TBC1D8B: variants seen among roughly 807,000 people sequenced by gnomAD.
TBC1D8B encodes the protein RP11-321G1.1.
In TBC1D8B, 75 loss-of-function variants were observed where a neutral mutation model predicts 82.9. The observed-to-expected ratio is 0.90, with a 90% confidence interval of 0.75 to 1.10. The LOEUF is 1.10. Among genes scored for constraint, TBC1D8B ranks in the 50% least tolerant of loss-of-function variants. The pLI is 0.00. For missense variants in TBC1D8B, 794 were observed against 796.9 expected (o/e 1.00, Z 0.04); for synonymous variants, 276 against 276.8 (o/e 1.00, Z 0.03).
chrX:106,851,812 C>T (rs1174878066), intron 12 of TBC1D8B, among the ~76,000 whole-genome samples: 3 of 112,067 alleles, frequency 2.7e-5, no homozygotes, highest in East Asian at 2.8e-4. Context: ...TCCAGTCTAT[C>T]GTTGTTGGAC....
chrX:106,828,205 TTCC>T (rs1931911131), intron 7 of TBC1D8B: 1 of 112,828 alleles, frequency 8.9e-6, no homozygotes, highest in African/African-American at 3.2e-5. Context: ...AATGGATAAA[TTCC>T]TCGACACATA....
intron 20 of TBC1D8B, among the ~76,000 whole-genome samples, chrX:106,872,455 T>TTATATATATATA (rs61326496): frequency 5.5e-5 from 4 of 73,313 alleles, no homozygotes; most frequent in African/African-American, 2.4e-4. Flanking sequence ...AGAAAAATAT[T>TTATATATATATA]TATATATATA....
At chrX:106,818,611 T>A in intron 1 of TBC1D8B, 52 bp from the exon 2 acceptor site, 1 of 929,842 alleles carries the variant, frequency 1.1e-6, no homozygotes, top group Non-Finnish European at 1.5e-6. Flanking sequence ...TGATACAGAT[T>A]TGATTTATCT....
chrX:106,827,388 A>G, intron 7 of TBC1D8B, 51 bp downstream of exon 7: 3 of 1,166,788 alleles, frequency 2.6e-6, no homozygotes, highest in Non-Finnish European at 3.5e-6. Context: ...GTGTGTGTTT[A>G]GTGTAGCCCA....
At chrX:106,870,903 A>C in intron 20 of TBC1D8B, 90 bp downstream of exon 20, 1 of 526,872 alleles carries the variant, frequency 1.9e-6, no homozygotes, top group South Asian at 3.9e-5. Context: ...TGCTATTCCC[A>C]AAATAGTTAA....
chrX:106,871,213 A>T (rs1047480583), intron 20 of TBC1D8B, among the ~76,000 whole-genome samples: 1 of 111,509 alleles, frequency 9.0e-6, no homozygotes, highest in Non-Finnish European at 1.9e-5. Flanking sequence ...CTTATATCTG[A>T]ACATAATTTT....
intron 17 of TBC1D8B, 53 bp downstream of exon 17, chrX:106,866,915 G>A: frequency 1.1e-6 from 1 of 923,507 alleles, no homozygotes. Context: ...TTCCATTTTA[G>A]CAAGTATAAT....
At chrX:106,868,357 T>C in intron 17 of TBC1D8B, 36 bp from the exon 18 acceptor site, 1 of 926,305 alleles carries the variant, frequency 1.1e-6, no homozygotes, top group Non-Finnish European at 1.4e-6. Context: ...CCCTGGTTGT[T>C]AATAAATGTA....
chrX:106,857,571 C>T (rs891859655), intron 14 of TBC1D8B, among the ~76,000 whole-genome samples: 5 of 111,541 alleles, frequency 4.5e-5, no homozygotes, highest in African/African-American at 1.6e-4. Context: ...CTCCCACCCT[C>T]CATACTCATG....
chrX:106,873,994 G>A lies in TBC1D8B; in HGVS notation c.*29G>A. The A allele has an allele frequency of 1.7e-6, 2 of 1,142,917 alleles. No homozygotes were observed. Among genetic ancestry groups the A allele is most frequent in the Non-Finnish European group, 2.3e-6 (2 of 859,822 alleles). 94.2% of individuals were successfully genotyped at this position (1,142,917 alleles called of 1,213,427 possible). ...CCTAGGAATTGCCTATCATAGACAA[G>A]TTTACTAACATTCCTGTAGCTGTCA... On this transcript the variant is annotated 3_prime_UTR_variant, in exon 21 of 21. Transcript: ENST00000357242.
rs1602427867 is a variant in TBC1D8B at position 106,847,515 on chromosome X, A to T, written c.1720-671A>T. On this transcript the variant is annotated intron_variant, in intron 10 of 20. Coordinates refer to ENST00000357242, the MANE Select transcript of TBC1D8B (RefSeq NM_017752.3). The stretch of plus-strand genomic sequence containing the variant: ...TCCATTAAGGATTTATTACTTTATA[A>T]TAAGGGATGTGGCAATGTATATAAA... Among the ~76,000 whole-genome samples the T allele has an allele frequency of 2.7e-5, 3 of 111,989 alleles. 1 individual carries two copies. The Admixed American group carries it at 2.8e-4, about 11-fold the overall frequency.
intron 16 of TBC1D8B, 127 bp downstream of exon 16, chrX:106,866,160 AC>A: frequency 1.5e-6 from 1 of 660,921 alleles, no homozygotes; most frequent in South Asian, 3.7e-5. Context: ...TAATAAATGG[AC>A]CCTTTTCTGC....
chrX:106,872,453 ATTTAT>A (rs1932855195), intron 20 of TBC1D8B, among the ~76,000 whole-genome samples: 4 of 18,343 alleles, frequency 2.2e-4, no homozygotes, highest in African/African-American at 6.4e-4. Context: ...CCAGAAAAAT[ATTTAT>A]ATATATATAT....
chrX:106,875,729 C>T lies in TBC1D8B; in HGVS notation c.*1764C>T, dbSNP rs768130065. On this transcript the variant is annotated 3_prime_UTR_variant, in exon 21 of 21. Coordinates refer to ENST00000357242, the MANE Select transcript of TBC1D8B (RefSeq NM_017752.3). ...CACATGTATACAAGGCACTATTGTA[C>T]ACACTTTGCTGAATATTTTGTCAGT... 5 of 111,928 alleles carry T rather than the reference C, an allele frequency of 4.5e-5. No homozygotes were observed. The highest frequency in any genetic ancestry group is 9.4e-5 in the Non-Finnish European group (5 of 53,183). 9.2% of individuals were successfully genotyped at this position (111,928 alleles called of 1,213,427 possible).
intron 14 of TBC1D8B, among the ~76,000 whole-genome samples, chrX:106,855,214 ATT>A (rs1348740833): frequency 8.9e-6 from 1 of 112,422 alleles, no homozygotes; most frequent in Non-Finnish European, 1.9e-5. Flanking sequence ...CCAGGTTTAG[ATT>A]TCAATTGAAT....
At chrX:106,851,872 CAT>C (rs1245702457) in intron 12 of TBC1D8B, among the ~76,000 whole-genome samples, 1 of 111,700 alleles carries the variant, frequency 9.0e-6, no homozygotes, top group Non-Finnish European at 1.9e-5. Flanking sequence ...CCGCTATAAA[CAT>C]ATGTGTGCAT....
At chrX:106,858,944 A>C (rs1338968094) in intron 14 of TBC1D8B, among the ~76,000 whole-genome samples, 3 of 111,834 alleles carry the variant, frequency 2.7e-5, no homozygotes, top group Admixed American at 9.5e-5. Context: ...CAGTTATCCC[A>C]GCACCATTTA....
intron 10 of TBC1D8B, among the ~76,000 whole-genome samples, chrX:106,844,772 T>C (rs12008358): frequency 0.064 from 7,056 of 110,099 alleles, 602 homozygotes; most frequent in African/African-American, 0.22. Flanking sequence ...GTTTCCTCCT[T>C]TCCTATTTTT....
At chrX:106,807,737 T>C (rs1800891644) in intron 1 of TBC1D8B, among the ~76,000 whole-genome samples, 6 of 110,858 alleles carry the variant, frequency 5.4e-5, no homozygotes, top group Admixed American at 2.9e-4. Context: ...TATTGCCCTA[T>C]GGGATTTTAA....
Sources: gnomAD v4.1 joint callset for allele counts (sites outside exome capture counted in the v4.1 genomes callset) on GRCh38, gnomAD v4.1.1 for gene constraint, MANE v1.5 for transcripts, NCBI Gene and HGNC (gene_info 2026-07-23, HGNC 2026-07-21) for gene names.